Variants in ATP6V1C1 observed in about 807,000 individuals in gnomAD.
ATP6V1C1 encodes ATPase H+ transporting V1 subunit C1.
A neutral mutation model predicts 53.9 loss-of-function variants in ATP6V1C1; 45 were observed. The ratio of observed to expected loss-of-function variants is 0.83; its 90% CI spans 0.66 to 1.07. ATP6V1C1 has a LOEUF of 1.07. Among genes scored for constraint, ATP6V1C1 ranks in the 50% least tolerant of loss-of-function variants. The probability of loss-of-function intolerance (pLI) is 0.00; values close to 1 mark genes in which losing one functional copy is unlikely to be tolerated. For synonymous variants in ATP6V1C1, 153 were observed against 155.2 expected (o/e 0.99, Z 0.11); for missense variants, 315 against 440.3 (o/e 0.72, Z 2.55).
chr8:103,067,414 A>G (rs1817512224), intron 12 of ATP6V1C1, among the ~76,000 whole-genome samples: 1 of 151,368 alleles, frequency 6.6e-6, no homozygotes, highest in African/African-American at 2.4e-5. Context: ...AAAAAAAAAA[A>G]AATTGTAGTG....
At chr8:103,054,530 T>G (rs1197199279) in intron 7 of ATP6V1C1, among the ~76,000 whole-genome samples, 1 of 152,110 alleles carries the variant, frequency 6.6e-6, no homozygotes, top group Admixed American at 6.6e-5. Context: ...AACGAATGAA[T>G]GTGGCTGTTT....
intron 1 of ATP6V1C1, among the ~76,000 whole-genome samples, chr8:103,030,354 C>G (rs1484925711): frequency 6.6e-6 from 1 of 152,108 alleles, no homozygotes; most frequent in Non-Finnish European, 1.5e-5. Flanking sequence ...GTGGCTGAAT[C>G]CCTGCATAGA....
intron 1 of ATP6V1C1, 27 bp from the exon 2 acceptor site, chr8:103,040,771 A>AT (rs774559203): frequency 3.8e-4 from 585 of 1,546,930 alleles, no homozygotes; most frequent in Non-Finnish European, 4.7e-4. Flanking sequence ...TTTAAATGTG[A>AT]TTTTTTTTAT....
chr8:103,067,258 G>A (rs1267338905), intron 12 of ATP6V1C1, among the ~76,000 whole-genome samples: 3 of 151,876 alleles, frequency 2.0e-5, no homozygotes, highest in African/African-American at 7.3e-5. Flanking sequence ...AATTAGCTGG[G>A]CGTGGCAGCG....
At position 103,052,711 on chromosome 8, in the gene ATP6V1C1, CTTCTTT is replaced by C; in HGVS notation, c.382-10_382-5del. The stretch of plus-strand genomic sequence containing the variant: ...ATTTAGGAAAATTTTATCTATTTTT[CTTCTTT>C]TTCTTTTTCAAAGGGAGTAACTCAG... On this transcript the variant is annotated splice_polypyrimidine_tract_variant and intron_variant, in intron 5 of 12. Transcript: ENST00000518738. The C allele has an allele frequency of 1.3e-6, 2 of 1,512,904 alleles. No individual in the cohort carries two copies. The highest frequency in any genetic ancestry group is 1.3e-5 in the South Asian group (1 of 79,668). 93.7% of individuals were successfully genotyped at this position (1,512,904 alleles called of 1,614,324 possible). A position where few individuals can be genotyped will look rare whatever the true frequency, so the allele number is the denominator to read the frequency against.
At chr8:103,034,437 A>C (rs375650260) in intron 1 of ATP6V1C1, among the ~76,000 whole-genome samples, 64 of 142,772 alleles carry the variant, frequency 4.5e-4, no homozygotes, top group African/African-American at 1.5e-3. Context: ...GTTTCCTTGC[A>C]GCTGAGAGAA....
At chr8:103,028,710 C>A (rs1264278483) in intron 1 of ATP6V1C1, among the ~76,000 whole-genome samples, 1 of 152,284 alleles carries the variant, frequency 6.6e-6, no homozygotes, top group African/African-American at 2.4e-5. Flanking sequence ...GATTAGATTC[C>A]AAGTCTTCAT....
intron 2 of ATP6V1C1, among the ~76,000 whole-genome samples, chr8:103,042,067 A>G (rs929435307): frequency 6.6e-6 from 1 of 152,178 alleles, no homozygotes; most frequent in South Asian, 2.1e-4. Flanking sequence ...TAAGACTTCA[A>G]ATGATCCAGT....
rs1267656802 is a variant in ATP6V1C1, at chr8:103,070,193, GTGTC to G, written c.*1451_*1454del. 2 of 152,240 alleles carry G rather than the reference GTGTC, an allele frequency of 1.3e-5. No individual in the cohort carries two copies. Among genetic ancestry groups the G allele is most frequent in the Non-Finnish European group, 2.9e-5 (2 of 68,036 alleles). 9.4% of individuals were successfully genotyped at this position (152,240 alleles called of 1,614,324 possible). A position where few individuals can be genotyped will look rare whatever the true frequency, so the allele number is the denominator to read the frequency against. ...AACTGGCTGCGTGGCGTTCCATTGAGTGTCTGTCATCATGTGTTTAGCCGAGTGG... is the reference window on the plus strand; with the variant it reads ...AACTGGCTGCGTGGCGTTCCATTGAGTGTCATCATGTGTTTAGCCGAGTGG... On this transcript the variant is annotated 3_prime_UTR_variant, in exon 13 of 13. Coordinates refer to ENST00000518738, the MANE Select transcript of ATP6V1C1 (RefSeq NM_001695.5).
chr8:103,036,272 G>A (rs1816898255), intron 1 of ATP6V1C1, among the ~76,000 whole-genome samples: 1 of 152,232 alleles, frequency 6.6e-6, no homozygotes, highest in Admixed American at 6.5e-5. Context: ...CTCATGGGTT[G>A]TAGTGAGAAT....
At chr8:103,068,554 C>T in intron 12 of ATP6V1C1, 98 bp from the exon 13 acceptor site, 1 of 826,184 alleles carries the variant, frequency 1.2e-6, no homozygotes, top group Non-Finnish European at 1.8e-6. Flanking sequence ...ACATTTAGCC[C>T]AGAGTAGATG....
At chr8:103,054,952 A>AT (rs1263467119) in intron 7 of ATP6V1C1, among the ~76,000 whole-genome samples, 2 of 151,966 alleles carry the variant, frequency 1.3e-5, no homozygotes, top group Middle Eastern at 3.2e-3. Context: ...TCAATTCTGC[A>AT]TTTTTTTCCC....
chr8:103,049,953 T>C (rs1817171968), intron 4 of ATP6V1C1, among the ~76,000 whole-genome samples: 1 of 151,480 alleles, frequency 6.6e-6, no homozygotes, highest in Admixed American at 6.6e-5. Flanking sequence ...CAAGACCCTG[T>C]CTCAAAAAAA....
chr8:103,027,869 T>C (rs1194507189), intron 1 of ATP6V1C1, among the ~76,000 whole-genome samples: 1 of 152,072 alleles, frequency 6.6e-6, no homozygotes, highest in African/African-American at 2.4e-5. Flanking sequence ...CAGACCTGCC[T>C]GCTCGTAAGA....
chr8:103,041,102 A>G, intron 2 of ATP6V1C1, 134 bp downstream of exon 2: 1 of 1,049,866 alleles, frequency 9.5e-7, no homozygotes, highest in Non-Finnish European at 1.3e-6. Context: ...ATGATTTAAA[A>G]TGTGTCTTCT....
chr8:103,053,775 C>A (rs1563607363), intron 6 of ATP6V1C1, 109 bp from the exon 7 acceptor site: 1 of 733,730 alleles, frequency 1.4e-6, no homozygotes, highest in Non-Finnish European at 2.3e-6. Flanking sequence ...TAAGACTAAT[C>A]CCTCTCAATG....
At chr8:103,047,430 G>GCGCGCACACACACACACACACA (rs1491170438) in intron 3 of ATP6V1C1, among the ~76,000 whole-genome samples, 1 of 104,948 alleles carries the variant, frequency 9.5e-6, no homozygotes, top group African/African-American at 3.5e-5. Flanking sequence ...AAATGCGCGC[G>GCGCGCACACACACACACACACA]CACACACACA....
chr8:103,048,329 T>C (rs1817141677), intron 3 of ATP6V1C1, among the ~76,000 whole-genome samples: 1 of 152,222 alleles, frequency 6.6e-6, no homozygotes, highest in Non-Finnish European at 1.5e-5. Context: ...GCATTATGGC[T>C]TCCTCTATAG....
intron 8 of ATP6V1C1, among the ~76,000 whole-genome samples, 172 bp downstream of exon 8, chr8:103,056,108 CTGTT>C (rs2131398465): frequency 6.6e-6 from 1 of 152,284 alleles, no homozygotes; most frequent in Non-Finnish European, 1.5e-5. Context: ...TTGGCACAGT[CTGTT>C]TGACAACCTC....
Sources: gnomAD v4.1 joint callset for allele counts (sites outside exome capture counted in the v4.1 genomes callset) on GRCh38, gnomAD v4.1.1 for gene constraint, MANE v1.5 for transcripts, NCBI Gene and HGNC (gene_info 2026-07-23, HGNC 2026-07-21) for gene names.